RAB13: variants seen among roughly 807,000 people sequenced by gnomAD.
The protein encoded by RAB13 is RAB13, member RAS oncogene family.
RAB13 carries 15 observed loss-of-function variants against 29.3 expected under a neutral mutation model. The ratio of observed to expected loss-of-function variants is 0.51; its 90% CI spans 0.34 to 0.79. RAB13 has a LOEUF of 0.79. RAB13 is among the 30% of genes least tolerant of loss of function. RAB13 has a pLI of 0.01. For synonymous variants in RAB13, 82 were observed against 93.8 expected (o/e 0.87, Z 0.73); for missense variants, 186 against 255.5 (o/e 0.73, Z 1.85).
chr1:153,982,358 A>G (rs1184708361), intron 7 of RAB13, 33 bp downstream of exon 7: 1 of 1,577,162 alleles, frequency 6.3e-7, no homozygotes, highest in East Asian at 2.2e-5. Context: ...CACACACCCC[A>G]GAGTTGTACC....
chr1:153,986,295 C>T lies in RAB13; in HGVS notation c.-59G>A. 3 of 1,462,078 alleles carry T rather than the reference C, an allele frequency of 2.1e-6. No homozygotes were observed. Among genetic ancestry groups the T allele is most frequent in the South Asian group, 2.3e-5 (2 of 85,130 alleles). The allele number at this position is 1,462,078 out of a possible 1,614,324, so 90.6% of individuals were successfully genotyped here. On this transcript the variant is annotated 5_prime_UTR_variant, in exon 1 of 8. Coordinates refer to ENST00000368575, the MANE Select transcript of RAB13 (RefSeq NM_002870.5). ...GAGCGCCCGGCACTGGTAGGCGGGA[C>T]TGGACGGTTGGCAAACAGAGCGGCA...
intron 4 of RAB13, 21 bp downstream of exon 4, chr1:153,983,198 T>C: frequency 6.3e-7 from 1 of 1,599,082 alleles, no homozygotes; most frequent in Non-Finnish European, 8.6e-7. Flanking sequence ...AGTTTCCCCA[T>C]CTCTTTTGGA....
At chr1:153,982,217 G>A in intron 7 of RAB13, 41 bp from the exon 8 acceptor site, 1 of 1,578,158 alleles carries the variant, frequency 6.3e-7, no homozygotes, top group East Asian at 2.2e-5. Flanking sequence ...GTGAATGGAT[G>A]GTTAGGGTAG....
chr1:153,990,146 A>G (rs1571133642), upstream of RAB13, among the ~76,000 whole-genome samples: 1 of 148,214 alleles, frequency 6.7e-6, no homozygotes, highest in East Asian at 2.0e-4. Context: ...GGCTCACTGT[A>G]CTTCCGCCTC....
At chr1:153,983,484 T>C in intron 3 of RAB13, 37 bp downstream of exon 3, 1 of 1,558,946 alleles carries the variant, frequency 6.4e-7, no homozygotes, top group Non-Finnish European at 8.8e-7. Flanking sequence ...TTCTGTAGCC[T>C]CATCCTTCAT....
upstream of RAB13, among the ~76,000 whole-genome samples, chr1:153,988,158 C>T (rs1342881104): frequency 6.6e-6 from 1 of 151,506 alleles, no homozygotes; most frequent in Non-Finnish European, 1.5e-5. Context: ...CCACGCCCAG[C>T]TAATTTTTGT....
Position 153,983,302 on chromosome 1 carries a change from A to G in RAB13, c.247-6T>C, listed in dbSNP as rs1408399267. The G allele has an allele frequency of 1.9e-6, 3 of 1,612,916 alleles. No homozygotes were observed. The highest frequency in any genetic ancestry group is 2.5e-6 in the Non-Finnish European group (3 of 1,178,958). On this transcript the variant is annotated splice_region_variant and splice_polypyrimidine_tract_variant and intron_variant, in intron 3 of 7. Transcript: ENST00000368575. ...TCGTATACTAGGATAATGCCCTGGG[A>G]GATGACAAAATTCACCTTGGACCAT... is the stretch of plus-strand genomic sequence containing the variant.
Position 153,982,073 on chromosome 1 carries a change from C to T in RAB13, c.*26G>A, listed in dbSNP as rs374582048. The T allele has an allele frequency of 7.4e-5, 119 of 1,602,856 alleles. No individual in the cohort carries two copies. Among genetic ancestry groups the T allele is most frequent in the African/African-American group, 2.1e-4 (16 of 74,592 alleles). On this transcript the variant is annotated 3_prime_UTR_variant, in exon 8 of 8. Coordinates refer to ENST00000368575, the MANE Select transcript of RAB13 (RefSeq NM_002870.5). ...CGTTGTCTCCCTCAGGTTCAGCTTCCGGGGTGGGGAGGCAAGAAAGGGTCC... is the reference window on the plus strand; with the variant it reads ...CGTTGTCTCCCTCAGGTTCAGCTTCTGGGGTGGGGAGGCAAGAAAGGGTCC...
chr1:153,985,414 G>A lies in RAB13; in HGVS notation c.125-633C>T, dbSNP rs1029456331. ...AAGAGAAGGGAGGAGGGGAGACAAT[G>A]TTCTTCTTAGTAGAAACTTGGGCAC... is the stretch of plus-strand genomic sequence containing the variant. On this transcript the variant is annotated intron_variant, in intron 1 of 7. Transcript: ENST00000368575. The A allele has an allele frequency of 3.0e-5, 29 of 970,358 alleles. No individual in the cohort carries two copies. The African/African-American group carries it at 4.9e-4, about 16-fold the overall frequency. 60.1% of individuals were successfully genotyped at this position (970,358 alleles called of 1,614,324 possible). A position where few individuals can be genotyped will look rare whatever the true frequency, so the allele number is the denominator to read the frequency against.
chr1:153,989,087 ATTTTTTTTTTTTTTT>A (rs778109310), upstream of RAB13, among the ~76,000 whole-genome samples: 1 of 96,370 alleles, frequency 1.0e-5, no homozygotes, highest in Non-Finnish European at 2.1e-5. Flanking sequence ...GCCCAGCTAA[ATTTTTTTTTTTTTTT>A]TTTTTTTTTA....
At chr1:153,990,652 CT>C, upstream of RAB13, 1 of 1,057,874 alleles carries the variant, frequency 9.5e-7, no homozygotes, top group Non-Finnish European at 1.5e-6. Flanking sequence ...GCTCCCTTGT[CT>C]CCCCACTGCG....
At chr1:153,983,827 T>G (rs1185923053) in intron 2 of RAB13, among the ~76,000 whole-genome samples, 1 of 152,168 alleles carries the variant, frequency 6.6e-6, no homozygotes, top group African/African-American at 2.4e-5. Context: ...TATGTATCAT[T>G]TTATCTAATC....
At chr1:153,985,026 A>T in intron 1 of RAB13, 1 of 1,225,008 alleles carries the variant, frequency 8.2e-7, no homozygotes, top group Non-Finnish European at 1.0e-6. Context: ...AAAATTCTGC[A>T]TGGAGGCTTA....
Position 153,982,815 on chromosome 1 carries a change from G to A in RAB13, c.325-7C>T. The A allele has an allele frequency of 6.2e-7, 1 of 1,613,964 alleles. No individual in the cohort carries two copies. Among genetic ancestry groups the A allele is most frequent in the Non-Finnish European group, 8.5e-7 (1 of 1,179,914 alleles). On this transcript the variant is annotated splice_region_variant and splice_polypyrimidine_tract_variant and intron_variant, in intron 4 of 7. Transcript: ENST00000368575. ...CCACCCCAGCCGAGGCATTCTGGGG[G>A]CAAAAGACAAGTAAAAGTTAGGTCC...
chr1:153,988,193 C>G (rs1471538885), upstream of RAB13, among the ~76,000 whole-genome samples: 5 of 151,878 alleles, frequency 3.3e-5, no homozygotes, highest in Non-Finnish European at 7.4e-5. Flanking sequence ...TGGGGTTTCA[C>G]CATGTTGGCC....
chr1:153,985,791 T>A (rs188599284), intron 1 of RAB13, among the ~76,000 whole-genome samples: 7 of 149,910 alleles, frequency 4.7e-5, no homozygotes, highest in Non-Finnish European at 7.4e-5. Flanking sequence ...ATCGAGAGAG[T>A]TCTAGGTGGT....
intron 2 of RAB13, among the ~76,000 whole-genome samples, chr1:153,984,162 A>G (rs1397317217): frequency 6.9e-6 from 1 of 145,830 alleles, no homozygotes. Flanking sequence ...GGGTGACAAG[A>G]GCAAAACTCT....
intron 1 of RAB13, chr1:153,985,149 T>C (rs1391868965): frequency 9.7e-7 from 1 of 1,036,160 alleles, no homozygotes; most frequent in Admixed American, 5.9e-5. Context: ...TCTGTTTTCT[T>C]AGAGCCCTCT....
chr1:153,986,072 C>A (rs1649158109), intron 1 of RAB13, 41 bp downstream of exon 1: 1 of 1,611,098 alleles, frequency 6.2e-7, no homozygotes. Flanking sequence ...AGAAGGAGGT[C>A]ACAGGAGAGT....
Sources: allele counts gnomAD v4.1 joint callset (sites outside exome capture counted in the v4.1 genomes callset), GRCh38; gene constraint gnomAD v4.1.1; transcripts MANE v1.5; gene names NCBI Gene and HGNC (gene_info 2026-07-23, HGNC 2026-07-21).